THADA: variants seen among roughly 807,000 people sequenced by gnomAD.
THADA encodes THADA armadillo repeat containing, also known as tRNA (32-2'-O)-methyltransferase regulator THADA.
THADA carries 213 observed loss-of-function variants against 219.8 expected under a neutral mutation model. That is an observed-to-expected ratio of 0.97 (90% confidence interval 0.87 to 1.09). The LOEUF (loss-of-function observed/expected upper bound fraction) is 1.09, where lower values mean the gene tolerates loss of function less well. THADA is among the 50% of genes least tolerant of loss of function. The pLI is 0.00. For synonymous variants in THADA, 1,018 were observed against 828.9 expected (o/e 1.23, Z -3.92); for missense variants, 2,956 against 2,311.3 (o/e 1.28, Z -5.72).
At chr2:43,258,106 G>A (rs534573838) in intron 36 of THADA, among the ~76,000 whole-genome samples, 13 of 152,260 alleles carry the variant, frequency 8.5e-5, no homozygotes, top group African/African-American at 2.2e-4. Flanking sequence ...AGCGGCCCAC[G>A]GAGCAGGCTT....
intron 25 of THADA, among the ~76,000 whole-genome samples, chr2:43,489,931 T>C (rs1047758407): frequency 7.0e-6 from 1 of 143,422 alleles, no homozygotes; most frequent in Non-Finnish European, 1.5e-5. Context: ...GCTGAATCTA[T>C]AGATTAATTA....
chr2:43,446,040 A>G (rs1204480138), intron 26 of THADA, among the ~76,000 whole-genome samples: 1 of 152,160 alleles, frequency 6.6e-6, no homozygotes, highest in Non-Finnish European at 1.5e-5. Context: ...TCCTTTACAC[A>G]GTGAGTTGGT....
chr2:43,559,247 T>C (rs1038317270), intron 16 of THADA, among the ~76,000 whole-genome samples: 4 of 152,190 alleles, frequency 2.6e-5, no homozygotes, highest in South Asian at 4.1e-4. Context: ...TGAAAAATCA[T>C]AGGCATCGGT....
chr2:43,373,651 A>G (rs972470488), intron 29 of THADA, among the ~76,000 whole-genome samples: 2 of 152,050 alleles, frequency 1.3e-5, no homozygotes, highest in Middle Eastern at 3.4e-3. Context: ...TAATTTTTGT[A>G]TTTTTAGTAG....
intron 36 of THADA, among the ~76,000 whole-genome samples, chr2:43,270,609 G>A (rs147140265): frequency 3.9e-5 from 6 of 152,296 alleles, no homozygotes; most frequent in Non-Finnish European, 7.4e-5. Context: ...CACAGGGGCC[G>A]GAGCTCCAAC....
At chr2:43,515,228 AATATATAATATATAATATATT>A (rs1691437695) in intron 22 of THADA, among the ~76,000 whole-genome samples, 1 of 9,636 alleles carries the variant, frequency 1.0e-4, no homozygotes, top group Non-Finnish European at 1.6e-4. Flanking sequence ...TATTATATAT[AATATATAATATATAATATATT>A]ATATATAATA....
intron 22 of THADA, among the ~76,000 whole-genome samples, chr2:43,525,041 A>G (rs1692981970): frequency 6.6e-6 from 1 of 152,144 alleles, no homozygotes; most frequent in Admixed American, 6.5e-5. Flanking sequence ...CTAATCCCCT[A>G]TCTCTAACAT....
chr2:43,557,995 T>A (rs1474456053), intron 16 of THADA, among the ~76,000 whole-genome samples: 6 of 152,202 alleles, frequency 3.9e-5, no homozygotes, highest in Non-Finnish European at 8.8e-5. Flanking sequence ...AAATAAGTAT[T>A]AGAAAGAACC....
chr2:43,327,545 T>A (rs1043189882), intron 30 of THADA, among the ~76,000 whole-genome samples: 1 of 152,072 alleles, frequency 6.6e-6, no homozygotes, highest in Non-Finnish European at 1.5e-5. Context: ...CTACAACATG[T>A]TTCCACATCC....
chr2:43,420,841 C>T (rs1677619873), intron 28 of THADA, among the ~76,000 whole-genome samples: 1 of 152,200 alleles, frequency 6.6e-6, no homozygotes, highest in Non-Finnish European at 1.5e-5. Flanking sequence ...TAATTTCATA[C>T]TACATGCTGA....
intron 29 of THADA, among the ~76,000 whole-genome samples, chr2:43,357,588 A>G (rs115380172): frequency 1.3e-5 from 2 of 152,288 alleles, no homozygotes; most frequent in Non-Finnish European, 2.9e-5. Context: ...CTTCAGCAGC[A>G]CTGGTTGTAT....
chr2:43,470,944 G>A (rs917385666), intron 26 of THADA, among the ~76,000 whole-genome samples: 2 of 152,174 alleles, frequency 1.3e-5, no homozygotes, highest in African/African-American at 4.8e-5. Context: ...TCATCTATGG[G>A]ATGGGTAGTG....
intron 1 of THADA, among the ~76,000 whole-genome samples, chr2:43,594,908 A>G (rs1251598525): frequency 6.6e-6 from 1 of 152,106 alleles, no homozygotes; most frequent in Non-Finnish European, 1.5e-5. Flanking sequence ...CGTAGACACC[A>G]TTTCCGTTAA....
intron 17 of THADA, among the ~76,000 whole-genome samples, 157 bp from the exon 18 acceptor site, chr2:43,552,496 G>T (rs1383828800): frequency 5.3e-5 from 8 of 152,056 alleles, no homozygotes; most frequent in Admixed American, 3.3e-4. Flanking sequence ...ATCCAACAGG[G>T]TGGCTCATTT....
intron 7 of THADA, among the ~76,000 whole-genome samples, chr2:43,583,206 C>A (rs1253884479): frequency 1.3e-5 from 2 of 152,164 alleles, no homozygotes; most frequent in Non-Finnish European, 2.9e-5. Flanking sequence ...GTGAACTTAT[C>A]TTCAACTCCA....
At chr2:43,425,451 T>C (rs992110981) in intron 28 of THADA, among the ~76,000 whole-genome samples, 3 of 83,288 alleles carry the variant, frequency 3.6e-5, no homozygotes, top group Non-Finnish European at 9.2e-5. Context: ...ATTGTATGTG[T>C]GTGTGTGTGT....
At chr2:43,394,848 C>T (rs1673835420) in intron 29 of THADA, among the ~76,000 whole-genome samples, 4 of 152,200 alleles carry the variant, frequency 2.6e-5, no homozygotes, top group Admixed American at 1.3e-4. Flanking sequence ...TGATACCCAA[C>T]AACCACATTT....
chr2:43,583,576 G>C (rs112852550), intron 7 of THADA, among the ~76,000 whole-genome samples: 1 of 152,288 alleles, frequency 6.6e-6, no homozygotes, highest in African/African-American at 2.4e-5. Flanking sequence ...ACCCAAAAGA[G>C]CTAAAAGCAG....
intron 23 of THADA, among the ~76,000 whole-genome samples, 181 bp from the exon 24 acceptor site, chr2:43,505,916 T>C (rs950304468): frequency 6.6e-6 from 1 of 152,218 alleles, no homozygotes; most frequent in Non-Finnish European, 1.5e-5. Flanking sequence ...AACCTACAGA[T>C]TCTTCATCGC....
Sources: allele counts gnomAD v4.1 joint callset (sites outside exome capture counted in the v4.1 genomes callset), GRCh38; gene constraint gnomAD v4.1.1; transcripts MANE v1.5; gene names NCBI Gene and HGNC (gene_info 2026-07-23, HGNC 2026-07-21).